The following IFNLR1 variants were observed in gnomAD, a reference collection of about 807,000 sequenced individuals.
IFNLR1 encodes CRF2-12.
Under a neutral mutation model 52.5 loss-of-function variants are expected in IFNLR1, and 28 were observed. The ratio of observed to expected loss-of-function variants is 0.53; its 90% CI spans 0.40 to 0.73. The LOEUF is 0.73. Among genes scored for constraint, IFNLR1 ranks in the 30% least tolerant of loss-of-function variants. The probability of loss-of-function intolerance (pLI) is 0.00; values close to 1 mark genes in which losing one functional copy is unlikely to be tolerated. For missense variants in IFNLR1, 623 were observed against 659.1 expected, an observed-to-expected ratio of 0.95 and a Z score of 0.60; for synonymous variants, 276 against 274.9, an observed-to-expected ratio of 1.00 and a Z score of -0.04.
intron 4 of IFNLR1, 93 bp from the exon 5 acceptor site, chr1:24,159,726 G>GTTTTTTTTTTGTTTTTTTTTTTTTTTTT: frequency 1.3e-6 from 1 of 761,910 alleles, no homozygotes; most frequent in Non-Finnish European, 2.0e-6. Flanking sequence ...ATGGTAGGGT[G>GTTTTTTTTTTGTTTTTTTTTTTTTTTTT]TTTTTTTTTT....
At chr1:24,169,703 A>C (rs1644559069) in intron 2 of IFNLR1, 102 bp from the exon 3 acceptor site, 5 of 1,245,168 alleles carry the variant, frequency 4.0e-6, no homozygotes, top group Non-Finnish European at 5.6e-6. Context: ...GGCTGGACTG[A>C]CTTTAGGTCC....
At chr1:24,165,701 C>G (rs532591134) in intron 3 of IFNLR1, among the ~76,000 whole-genome samples, 16 of 152,366 alleles carry the variant, frequency 1.1e-4, no homozygotes, top group African/African-American at 3.6e-4. Flanking sequence ...CACTAGTCAC[C>G]TTTGCCCTGT....
intron 3 of IFNLR1, among the ~76,000 whole-genome samples, chr1:24,162,009 TC>T (rs1487765092): frequency 6.6e-6 from 1 of 152,188 alleles, no homozygotes; most frequent in Non-Finnish European, 1.5e-5. Context: ...ATCCTGCCCA[TC>T]TGGATTCATT....
intron 3 of IFNLR1, among the ~76,000 whole-genome samples, chr1:24,166,884 G>T (rs1443388171): frequency 6.6e-6 from 1 of 152,104 alleles, no homozygotes; most frequent in East Asian, 1.9e-4. Flanking sequence ...GCCTGTGATG[G>T]TTAAGTTTAT....
intron 1 of IFNLR1, 97 bp downstream of exon 1, chr1:24,187,094 A>G: frequency 2.6e-6 from 2 of 760,552 alleles, no homozygotes; most frequent in Non-Finnish European, 3.8e-6. Flanking sequence ...GTGGCTGCGG[A>G]CCCCGTGCCT....
At chr1:24,165,786 C>T (rs1320033640) in intron 3 of IFNLR1, among the ~76,000 whole-genome samples, 4 of 152,166 alleles carry the variant, frequency 2.6e-5, no homozygotes, top group African/African-American at 7.2e-5. Context: ...CCACTGGGTA[C>T]TGACTAGGTA....
intron 2 of IFNLR1, among the ~76,000 whole-genome samples, chr1:24,176,849 C>T (rs929411275): frequency 1.4e-4 from 22 of 152,086 alleles, no homozygotes; most frequent in Non-Finnish European, 2.2e-4. Flanking sequence ...TGGGCTCAAG[C>T]GATCCTCCTA....
At chr1:24,184,700 TGATGATGATAAC>T (rs1260190080) in intron 1 of IFNLR1, among the ~76,000 whole-genome samples, 1 of 152,156 alleles carries the variant, frequency 6.6e-6, no homozygotes, top group African/African-American at 2.4e-5. Flanking sequence ...GAGGTGATGA[TGATGATGATAAC>T]GATGATGATA....
chr1:24,179,273 T>C (rs371588870), intron 2 of IFNLR1, among the ~76,000 whole-genome samples: 1 of 152,060 alleles, frequency 6.6e-6, no homozygotes, highest in Non-Finnish European at 1.5e-5. Context: ...GACTTTCAAC[T>C]CCTTAATAAA....
intron 2 of IFNLR1, among the ~76,000 whole-genome samples, chr1:24,175,104 A>G (rs1644618891): frequency 6.6e-6 from 1 of 152,266 alleles, no homozygotes; most frequent in East Asian, 1.9e-4. Flanking sequence ...AGAAAGGGAC[A>G]AGAGCTGGAG....
chr1:24,171,637 C>A (rs886887321), intron 2 of IFNLR1, among the ~76,000 whole-genome samples: 1 of 151,716 alleles, frequency 6.6e-6, no homozygotes, highest in East Asian at 1.9e-4. Flanking sequence ...CAGGTACCTG[C>A]CACTACACCC....
At chr1:24,180,696 T>C in intron 2 of IFNLR1, 35 bp downstream of exon 2, 8 of 795,470 alleles carry the variant, frequency 1.0e-5, no homozygotes, top group Admixed American at 5.1e-5. Context: ...ACCCCCTCAG[T>C]CTTCCCATCC....
At chr1:24,174,859 T>C (rs1406655042) in intron 2 of IFNLR1, among the ~76,000 whole-genome samples, 1 of 149,842 alleles carries the variant, frequency 6.7e-6, no homozygotes, top group Non-Finnish European at 1.5e-5. Flanking sequence ...TTTCAGCCTA[T>C]CCACATTGCA....
intron 3 of IFNLR1, among the ~76,000 whole-genome samples, chr1:24,166,738 A>T (rs1226754277): frequency 6.7e-6 from 1 of 150,218 alleles, no homozygotes; most frequent in Non-Finnish European, 1.5e-5. Flanking sequence ...TTTTTTGTAG[A>T]GACGAGGTCT....
rs1383859394 is a variant in IFNLR1 at position 24,159,542 on chromosome 1, AT to A, written c.601del (p.Ile201SerfsTer36). 1.2e-6 allele frequency: 2 copies of A among 1,613,924 alleles called. No individual in the cohort carries two copies. Among genetic ancestry groups the A allele is most frequent in the African/African-American group, 2.7e-5 (2 of 74,852 alleles). On this transcript the variant is annotated frameshift_variant, in exon 5 of 7. Transcript: ENST00000327535. LOFTEE classifies it high-confidence loss of function. Reference protein sequence around the residue: ...SEHHCLSARTIYTFSVPKYSK... With the variant: ...SEHHCLSARTXYTFSVPKYSK... ...GTATTTCGGGACACTGAACGTGTAG[AT>A]GGTTCTGGCACTGAGGCAGTGGTGT...
chr1:24,165,614 C>T (rs752487939), intron 3 of IFNLR1, among the ~76,000 whole-genome samples: 1 of 152,208 alleles, frequency 6.6e-6, no homozygotes, highest in Admixed American at 6.5e-5. Flanking sequence ...AAATACACCA[C>T]CTTTCAAGTT....
intron 1 of IFNLR1, among the ~76,000 whole-genome samples, chr1:24,185,078 G>A (rs1456102778): frequency 6.6e-6 from 1 of 152,104 alleles, no homozygotes; most frequent in Admixed American, 6.6e-5. Flanking sequence ...TGTGTTCTGT[G>A]AGCCAGGTTC....
In IFNLR1 at chr1:24,156,969, C is replaced by G; in HGVS notation, c.*161G>C. Reference sequence around the variant, plus strand: ...CACAGGAGGGAGGGGCATCTTGTTGCTCAGCCCGACAGGCAAACAGCCGCT... The same window carrying G: ...CACAGGAGGGAGGGGCATCTTGTTGGTCAGCCCGACAGGCAAACAGCCGCT... On this transcript the variant is annotated 3_prime_UTR_variant, in exon 7 of 7. Coordinates refer to ENST00000327535, the MANE Select transcript of IFNLR1 (RefSeq NM_170743.4). The G allele has an allele frequency of 1.3e-6, 1 of 752,154 alleles. No individual in the cohort carries two copies. Among genetic ancestry groups the G allele is most frequent in the Non-Finnish European group, 2.2e-6 (1 of 463,958 alleles). The allele number at this position is 752,154 out of a possible 1,614,324, so 46.6% of individuals were successfully genotyped here. A position where few individuals can be genotyped will look rare whatever the true frequency, so the allele number is the denominator to read the frequency against.
chr1:24,172,986 T>G (rs1644596575), intron 2 of IFNLR1, among the ~76,000 whole-genome samples: 1 of 152,158 alleles, frequency 6.6e-6, no homozygotes. Context: ...TCATTTTACT[T>G]TAATTACCTC....
Sources: gnomAD v4.1 joint callset for allele counts (sites outside exome capture counted in the v4.1 genomes callset) on GRCh38, gnomAD v4.1.1 for gene constraint, MANE v1.5 for transcripts, NCBI Gene and HGNC (gene_info 2026-07-23, HGNC 2026-07-21) for gene names.